Variants in TSHZ2 observed in about 807,000 individuals in gnomAD.
TSHZ2 encodes the protein teashirt homolog 2.
A neutral mutation model predicts 74.4 loss-of-function variants in TSHZ2; 21 were observed. The observed-to-expected ratio is 0.28, with a 90% CI of 0.20 to 0.41. The LOEUF is 0.41. TSHZ2 is among the 10% of genes least tolerant of loss of function. The pLI, the probability that TSHZ2 is intolerant of heterozygous loss-of-function variation, is 1.00. For synonymous variants in TSHZ2, 540 were observed against 515.3 expected (o/e 1.05, Z -0.65); for missense variants, 1,244 against 1,293.5 (o/e 0.96, Z 0.59).
chr20:52,998,479 C>T (rs906556862), intron 1 of TSHZ2, among the ~76,000 whole-genome samples: 2 of 152,156 alleles, frequency 1.3e-5, no homozygotes, highest in African/African-American at 4.8e-5. Flanking sequence ...AAGCTCTGCC[C>T]TCTTCTTGGT....
chr20:52,999,702 G>A (rs1313203549), intron 1 of TSHZ2, among the ~76,000 whole-genome samples: 1 of 152,118 alleles, frequency 6.6e-6, no homozygotes, highest in African/African-American at 2.4e-5. Context: ...CGCCTCTAGA[G>A]CTTTCAAAAA....
At chr20:53,444,857 C>T (rs1219490809) in intron 2 of TSHZ2, among the ~76,000 whole-genome samples, 1 of 152,154 alleles carries the variant, frequency 6.6e-6, no homozygotes. Flanking sequence ...TTTATTTTGC[C>T]ACTTGGCCCC....
intron 1 of TSHZ2, among the ~76,000 whole-genome samples, chr20:53,201,168 C>A (rs1046341674): frequency 1.3e-5 from 2 of 152,150 alleles, no homozygotes; most frequent in African/African-American, 2.4e-5. Context: ...ATCTGACTTA[C>A]ATTTGTAAAG....
chr20:53,308,744 T>C (rs1178373294), intron 2 of TSHZ2, among the ~76,000 whole-genome samples: 1 of 152,250 alleles, frequency 6.6e-6, no homozygotes, highest in African/African-American at 2.4e-5. Flanking sequence ...CTTTATTTTG[T>C]CAACTTGGTG....
intron 2 of TSHZ2, among the ~76,000 whole-genome samples, chr20:53,342,385 T>A (rs144125407): frequency 6.6e-6 from 1 of 151,100 alleles, no homozygotes; most frequent in African/African-American, 2.4e-5. Context: ...TTAATCCTCA[T>A]ATAAACCTTA....
In TSHZ2 at chr20:53,108,929, T is replaced by C. The variant is rs926364513; in HGVS notation, c.40+135596T>C. On this transcript the variant is annotated intron_variant, in intron 1 of 2. Transcript: ENST00000371497. ...TTCCTTCCCTGCAGTTTCTGAAGAATACACAACTCTCCCTTCTGCCCCTCC... is the reference window on the plus strand; with the variant it reads ...TTCCTTCCCTGCAGTTTCTGAAGAACACACAACTCTCCCTTCTGCCCCTCC... 2.6e-5 allele frequency among the ~76,000 whole-genome samples: 4 copies of C among 152,142 alleles called. No individual in the cohort carries two copies. The East Asian group carries it at 7.7e-4, about 29-fold the overall frequency.
chr20:53,073,612 G>GTCAT (rs1316876722), intron 1 of TSHZ2, among the ~76,000 whole-genome samples: 2 of 152,168 alleles, frequency 1.3e-5, no homozygotes, highest in African/African-American at 2.4e-5. Flanking sequence ...GTAAGTATGA[G>GTCAT]TCATTTTAAC....
intron 1 of TSHZ2, among the ~76,000 whole-genome samples, chr20:53,046,684 A>G (rs1198362734): frequency 1.3e-5 from 2 of 152,134 alleles, no homozygotes; most frequent in Non-Finnish European, 2.9e-5. Flanking sequence ...CCCAAGCAGT[A>G]GAGTAGGTAT....
intron 2 of TSHZ2, among the ~76,000 whole-genome samples, chr20:53,416,355 C>T (rs966605972): frequency 9.9e-5 from 15 of 152,264 alleles, no homozygotes; most frequent in African/African-American, 3.1e-4. Flanking sequence ...TAGCAATATC[C>T]GAAAGTCTGC....
intron 2 of TSHZ2, among the ~76,000 whole-genome samples, chr20:53,313,869 A>G (rs182289275): frequency 1.3e-5 from 2 of 152,344 alleles, no homozygotes. Context: ...GTGCTTAAAC[A>G]TAGAGATCGT....
At chr20:52,999,923 C>G (rs1982349739) in intron 1 of TSHZ2, among the ~76,000 whole-genome samples, 1 of 152,090 alleles carries the variant, frequency 6.6e-6, no homozygotes, top group Non-Finnish European at 1.5e-5. Context: ...TTAACCAACC[C>G]CACTAAGAGA....
intron 1 of TSHZ2, among the ~76,000 whole-genome samples, chr20:53,238,909 G>T (rs1209494322): frequency 6.6e-6 from 1 of 151,762 alleles, no homozygotes; most frequent in Non-Finnish European, 1.5e-5. Flanking sequence ...AGGGTGATGG[G>T]TGATTTCAAT....
chr20:53,272,160 C>T (rs1201342047), intron 2 of TSHZ2, among the ~76,000 whole-genome samples: 1 of 152,002 alleles, frequency 6.6e-6, no homozygotes, highest in Non-Finnish European at 1.5e-5. Context: ...TACAGGCACG[C>T]ACCACCACAC....
chr20:53,160,768 T>C (rs1184731543), intron 1 of TSHZ2, among the ~76,000 whole-genome samples: 1 of 134,826 alleles, frequency 7.4e-6, no homozygotes, highest in African/African-American at 3.4e-5. Flanking sequence ...AAAAAAGACA[T>C]TTCAGTTTGC....
intron 2 of TSHZ2, among the ~76,000 whole-genome samples, chr20:53,343,257 G>A (rs572468519): frequency 1.3e-5 from 2 of 152,160 alleles, no homozygotes; most frequent in South Asian, 2.1e-4. Flanking sequence ...GTGAGCCACC[G>A]CACCGGGCCA....
intron 2 of TSHZ2, among the ~76,000 whole-genome samples, chr20:53,296,078 A>T (rs988490475): frequency 1.3e-5 from 2 of 148,518 alleles, no homozygotes; most frequent in African/African-American, 4.9e-5. Flanking sequence ...GATGCATATT[A>T]TTCTTGAAGA....
intron 1 of TSHZ2, among the ~76,000 whole-genome samples, chr20:53,022,709 C>T (rs534869831): frequency 2.0e-5 from 3 of 152,254 alleles, no homozygotes; most frequent in African/African-American, 4.8e-5. Context: ...CAATAATTTA[C>T]GTGTAATCGT....
At chr20:53,446,799 G>A (rs1195861606) in intron 2 of TSHZ2, among the ~76,000 whole-genome samples, 1 of 152,116 alleles carries the variant, frequency 6.6e-6, no homozygotes, top group East Asian at 1.9e-4. Flanking sequence ...TCTAGTGGGG[G>A]CACAAATGGG....
At chr20:53,368,400 C>G (rs907262292) in intron 2 of TSHZ2, among the ~76,000 whole-genome samples, 14 of 152,132 alleles carry the variant, frequency 9.2e-5, no homozygotes, top group African/African-American at 3.1e-4. Flanking sequence ...ACCTCTGCCT[C>G]CTGGACTCAA....
Sources: gnomAD v4.1 joint callset for allele counts (sites outside exome capture counted in the v4.1 genomes callset) on GRCh38, gnomAD v4.1.1 for gene constraint, MANE v1.5 for transcripts, NCBI Gene and HGNC (gene_info 2026-07-23, HGNC 2026-07-21) for gene names.